The following SERPINB12 variants were observed in gnomAD, a reference collection of about 807,000 sequenced individuals.
SERPINB12 encodes the protein serpin B12.
In SERPINB12, 57 loss-of-function variants were observed where a neutral mutation model predicts 41.1. That is an observed-to-expected ratio of 1.39 (90% CI 1.12 to 1.73). SERPINB12 has a LOEUF of 1.73. SERPINB12 is among the 40% of genes most tolerant of loss of function. SERPINB12 has a pLI of 0.00. For missense variants in SERPINB12, 536 were observed against 501.9 expected, an observed-to-expected ratio of 1.07 and a Z score of -0.65; for synonymous variants, 180 against 181.3, an observed-to-expected ratio of 0.99 and a Z score of 0.06.
chr18:63,543,167 G>A (rs528167659), intron 1 of SERPINB12, among the ~76,000 whole-genome samples: 1 of 152,254 alleles, frequency 6.6e-6, no homozygotes, highest in East Asian at 1.9e-4. Context: ...GAGATAATGG[G>A]TATGTAAGGG....
At chr18:63,539,129 T>G (rs1296554959), upstream of SERPINB12, among the ~76,000 whole-genome samples, 1 of 152,204 alleles carries the variant, frequency 6.6e-6, no homozygotes, top group East Asian at 1.9e-4. Flanking sequence ...CAGGGTTATT[T>G]CCTCTCTCCA....
At chr18:63,559,224 C>A (rs757306441) in intron 3 of SERPINB12, among the ~76,000 whole-genome samples, 2 of 151,860 alleles carry the variant, frequency 1.3e-5, no homozygotes, top group African/African-American at 4.8e-5. Context: ...CCTGCCTCAG[C>A]CTCCAGAGTA....
At chr18:63,561,312 G>T in intron 5 of SERPINB12, 110 bp downstream of exon 5, 2 of 668,252 alleles carry the variant, frequency 3.0e-6, no homozygotes, top group South Asian at 3.7e-5. Context: ...GTTCACATAT[G>T]TGGACTGTGT....
chr18:63,540,534 AC>A (rs1186607693), upstream of SERPINB12, among the ~76,000 whole-genome samples: 1 of 152,172 alleles, frequency 6.6e-6, no homozygotes. Context: ...GTAATTCAGG[AC>A]CTAGATATTC....
Position 63,565,631 on chromosome 18 carries a change from A to T in SERPINB12, c.873+19A>T. On this transcript the variant is annotated intron_variant, in intron 7 of 7. Transcript: ENST00000382768. The stretch of plus-strand genomic sequence containing the variant: ...GGAAGAGGTAAATCTTCATTTCCAC[A>T]TCTCTACAAAATATTTAATGATAGA... 6.3e-7 allele frequency: 1 copy of T among 1,596,940 alleles called. No individual in the cohort carries two copies. Among genetic ancestry groups the T allele is most frequent in the African/African-American group, 1.3e-5 (1 of 74,154 alleles).
At chr18:63,550,467 C>A (rs1017891606) in intron 1 of SERPINB12, among the ~76,000 whole-genome samples, 1 of 152,234 alleles carries the variant, frequency 6.6e-6, no homozygotes, top group African/African-American at 2.4e-5. Flanking sequence ...AAATTAAATG[C>A]CATGTTTAGT....
intron 5 of SERPINB12, 41 bp downstream of exon 5, chr18:63,561,243 A>T: frequency 7.7e-7 from 1 of 1,300,410 alleles, no homozygotes; most frequent in Non-Finnish European, 1.1e-6. Flanking sequence ...ATTGGTTTCC[A>T]TTTAAAAGAA....
intron 5 of SERPINB12, 61 bp from the exon 6 acceptor site, chr18:63,563,917 A>C: frequency 7.1e-7 from 1 of 1,411,286 alleles, no homozygotes; most frequent in South Asian, 1.4e-5. Context: ...AAAAAAAATT[A>C]TCTACACAAA....
chr18:63,523,867 G>A, the SERPINB12 span, among the ~76,000 whole-genome samples: 3 of 152,194 alleles, frequency 2.0e-5, no homozygotes, highest in African/African-American at 7.2e-5. Context: ...AGGCAGTGAT[G>A]CGTGACTTGC....
At chr18:63,538,450 C>A (rs1389799718), upstream of SERPINB12, among the ~76,000 whole-genome samples, 1 of 152,076 alleles carries the variant, frequency 6.6e-6, no homozygotes, top group Non-Finnish European at 1.5e-5. Context: ...AATATGTGGT[C>A]TTTTGTGACT....
At chr18:63,544,078 A>G (rs763671937) in intron 1 of SERPINB12, among the ~76,000 whole-genome samples, 10 of 152,208 alleles carry the variant, frequency 6.6e-5, no homozygotes, top group Non-Finnish European at 1.0e-4. Context: ...ACTTTTCAGT[A>G]AGGGGACAGA....
At chr18:63,549,238 C>T (rs556213960) in intron 1 of SERPINB12, among the ~76,000 whole-genome samples, 7 of 152,108 alleles carry the variant, frequency 4.6e-5, no homozygotes, top group South Asian at 4.2e-4. Flanking sequence ...AAAATAAAGG[C>T]GATTTATTTT....
chr18:63,564,054 C>A lies in SERPINB12; in HGVS notation c.639C>A (p.Phe213Leu). 6.2e-7 allele frequency: 1 copy of A among 1,614,118 alleles called. No homozygotes were observed. The highest frequency in any genetic ancestry group is 1.3e-5 in the African/African-American group (1 of 75,042). Reference protein sequence around the residue: ...TVLVLVNAVYFKAKWETYFDH... With the variant: ...TVLVLVNAVYLKAKWETYFDH... ...TGGTACTGGTGAATGCTGTTTACTT[C>A]AAGGCCAAATGGGAAACATACTTTG... Residue 213 changes from phenylalanine (F) to leucine (L), a missense_variant, in exon 6 of 8, where the codon TTC becomes TTA. By Grantham distance (22) the Phe-to-Leu change is conservative (BLOSUM62 0). Coordinates refer to ENST00000382768, the MANE Select transcript of SERPINB12 (RefSeq NM_001307928.2).
chr18:63,563,956 A>G, intron 5 of SERPINB12, 22 bp from the exon 6 acceptor site: 1 of 1,592,036 alleles, frequency 6.3e-7, no homozygotes, highest in Non-Finnish European at 8.5e-7. Context: ...TACTCAGGAT[A>G]TTCTCTGGGA....
At chr18:63,536,246 TG>T in the SERPINB12 span, among the ~76,000 whole-genome samples, 1 of 151,880 alleles carries the variant, frequency 6.6e-6, no homozygotes, top group African/African-American at 2.4e-5. Flanking sequence ...TCATACGTTT[TG>T]AAAGAAATAA....
intron 1 of SERPINB12, among the ~76,000 whole-genome samples, chr18:63,546,863 G>A (rs954933701): frequency 6.6e-6 from 1 of 152,222 alleles, no homozygotes; most frequent in Middle Eastern, 3.4e-3. Context: ...CAGAGGGAGG[G>A]GCAAAGTTGA....
intron 5 of SERPINB12, among the ~76,000 whole-genome samples, chr18:63,561,570 C>T (rs2144345283): frequency 6.6e-6 from 1 of 152,194 alleles, no homozygotes; most frequent in African/African-American, 2.4e-5. Flanking sequence ...GATCATTCTA[C>T]CAAAAAGACA....
chr18:63,568,193 C>A lies in SERPINB12; in HGVS notation c.*1182C>A, dbSNP rs1447655695. On this transcript the variant is annotated 3_prime_UTR_variant, in exon 8 of 8. Coordinates refer to ENST00000382768, the MANE Select transcript of SERPINB12 (RefSeq NM_001307928.2). Reference sequence around the variant, plus strand: ...TCCAGGAGTTCGAGACCAGCCTGGGCAACATATTGAGACCCTGACTCTACA... The same window carrying A: ...TCCAGGAGTTCGAGACCAGCCTGGGAAACATATTGAGACCCTGACTCTACA... 6.6e-6 allele frequency among the ~76,000 whole-genome samples: 1 copy of A among 152,126 alleles called. No homozygotes were observed. Among genetic ancestry groups the A allele is most frequent in the Non-Finnish European group, 1.5e-5 (1 of 68,026 alleles).
At position 63,559,003 on chromosome 18, in the gene SERPINB12, C is replaced by CTTTCTTTCTTTCTCTCTTTCT. The variant is rs1491386715; in HGVS notation, c.303+519_303+520insTCTTTCTTTCTCTCTTTCTTT. On this transcript the variant is annotated intron_variant, in intron 3 of 7. Coordinates refer to ENST00000382768, the MANE Select transcript of SERPINB12 (RefSeq NM_001307928.2). ...ATGATTGTCTTTCTTTCTTTCCTTC[C>CTTTCTTTCTTTCTCTCTTTCT]TTCTTTCTTTCTTTCTTTCTTTCTT... 2.6e-3 allele frequency among the ~76,000 whole-genome samples: 208 copies of CTTTCTTTCTTTCTCTCTTTCT among 78,600 alleles called. 3 individuals carry two copies. The highest frequency in any genetic ancestry group is 9.4e-3 in the African/African-American group (187 of 19,806). 51.6% of individuals were successfully genotyped at this position (78,600 alleles called of 152,430 possible).
Sources: gnomAD v4.1 joint callset for allele counts (sites outside exome capture counted in the v4.1 genomes callset) on GRCh38, gnomAD v4.1.1 for gene constraint, MANE v1.5 for transcripts, NCBI Gene and HGNC (gene_info 2026-07-23, HGNC 2026-07-21) for gene names.